Variants in ZNF708 observed in about 807,000 individuals in gnomAD.
ZNF708 encodes ZNF15, ZNF15L1.
A neutral mutation model predicts 47.0 loss-of-function variants in ZNF708; 44 were observed. The ratio of observed to expected loss-of-function variants is 0.94; its 90% CI spans 0.74 to 1.20. The LOEUF is 1.20. Ranked by LOEUF, ZNF708 falls within the 50% of genes most tolerant of loss-of-function variation. The pLI is 0.00. For missense variants in ZNF708, 557 were observed against 656.0 expected (o/e 0.85, Z 1.65); for synonymous variants, 184 against 218.5 (o/e 0.84, Z 1.39).
At chr19:21,324,998 C>A (rs1056855528) in intron 1 of ZNF708, among the ~76,000 whole-genome samples, 1 of 152,152 alleles carries the variant, frequency 6.6e-6, no homozygotes, top group Non-Finnish European at 1.5e-5. Flanking sequence ...CATTCTTAAA[C>A]AGCCTTGAAA....
At chr19:21,313,656 G>T (rs965462361) in intron 1 of ZNF708, among the ~76,000 whole-genome samples, 2 of 151,732 alleles carry the variant, frequency 1.3e-5, no homozygotes, top group African/African-American at 2.4e-5. Flanking sequence ...TACTCAGGAG[G>T]TTGAGGCAGG....
At chr19:21,313,301 A>G (rs1441721751) in intron 1 of ZNF708, among the ~76,000 whole-genome samples, 2 of 151,802 alleles carry the variant, frequency 1.3e-5, no homozygotes, top group Admixed American at 1.3e-4. Flanking sequence ...AAAAAAAAAA[A>G]AAAAGTATGT....
At chr19:21,297,244 G>GTGTGTATATATATATATATATATATA (rs1356825868) in intron 3 of ZNF708, among the ~76,000 whole-genome samples, 5 of 11,972 alleles carry the variant, frequency 4.2e-4, no homozygotes, top group Non-Finnish European at 8.4e-4. Flanking sequence ...TGCAAATAAG[G>GTGTGTATATATATATATATATATATA]TATATATATA....
chr19:21,293,100 C>T lies in ZNF708; in HGVS notation c.*174G>A, dbSNP rs947006852. On this transcript the variant is annotated 3_prime_UTR_variant, in exon 4 of 4. Transcript: ENST00000356929. Reference sequence around the variant, plus strand: ...ATTTAGGGACCAGTTAAATGCTTTGCCACATTCTTTACATTTGTAGGGTTT... The same window carrying T: ...ATTTAGGGACCAGTTAAATGCTTTGTCACATTCTTTACATTTGTAGGGTTT... The T allele has an allele frequency of 4.4e-6, 4 of 917,442 alleles. No individual in the cohort carries two copies. The highest frequency in any genetic ancestry group is 6.7e-6 in the Non-Finnish European group (4 of 597,236). The allele number at this position is 917,442 out of a possible 1,614,324, so 56.8% of individuals were successfully genotyped here.
chr19:21,296,024 T>A (rs1269301991), intron 3 of ZNF708, among the ~76,000 whole-genome samples: 1 of 151,732 alleles, frequency 6.6e-6, no homozygotes, highest in Non-Finnish European at 1.5e-5. Flanking sequence ...ATTAGGAAGA[T>A]AAAAATGTCA....
intron 3 of ZNF708, among the ~76,000 whole-genome samples, chr19:21,301,307 T>A (rs1451016343): frequency 1.3e-5 from 2 of 151,272 alleles, no homozygotes; most frequent in Non-Finnish European, 2.9e-5. Flanking sequence ...TGAATCCCGA[T>A]CTCTACTAAA....
In ZNF708 at chr19:21,294,042, G is replaced by C. The variant is rs780639123; in HGVS notation, c.924C>G (p.Tyr308Ter). Residue 308 changes from tyrosine (Y) to a stop codon, truncating the protein, a stop_gained, in exon 4 of 4, where the codon TAC becomes TAG. Transcript: ENST00000356929. LOFTEE classifies it high-confidence loss of function. Reference sequence around the variant, plus strand: ...AGGCTTTGCCACATTCTCCACATTTGTAGGGTTTCTCTCCAGTATGAATTT... The same window carrying C: ...AGGCTTTGCCACATTCTCCACATTTCTAGGGTTTCTCTCCAGTATGAATTT... ...HKKIHTGEKP[Y>*]KCGECGKAFT... The C allele has an allele frequency of 8.1e-6, 13 of 1,613,132 alleles. No individual in the cohort carries two copies. In the South Asian group the frequency reaches 1.3e-4, roughly 16 times the overall value.
intron 1 of ZNF708, among the ~76,000 whole-genome samples, chr19:21,326,494 G>A (rs1973257846): frequency 6.6e-6 from 1 of 152,168 alleles, no homozygotes; most frequent in African/African-American, 2.4e-5. Context: ...CTGTTATGTG[G>A]GAGCTAAGCT....
At chr19:21,308,370 C>G (rs34328774) in intron 3 of ZNF708, among the ~76,000 whole-genome samples, 1 of 151,730 alleles carries the variant, frequency 6.6e-6, no homozygotes, top group African/African-American at 2.4e-5. Context: ...ACCTCTGCCT[C>G]CCGGGTTCAA....
intron 2 of ZNF708, among the ~76,000 whole-genome samples, chr19:21,310,287 AT>A (rs1194577769): frequency 6.6e-6 from 1 of 151,672 alleles, no homozygotes; most frequent in Non-Finnish European, 1.5e-5. Flanking sequence ...TCTACTAAAA[AT>A]ACAAAAATTA....
intron 3 of ZNF708, among the ~76,000 whole-genome samples, chr19:21,308,706 C>G (rs887908219): frequency 6.6e-6 from 1 of 152,108 alleles, no homozygotes; most frequent in Admixed American, 6.6e-5. Context: ...CCACTGCCCC[C>G]CCAGCCAAAA....
At chr19:21,296,470 C>T (rs958295121) in intron 3 of ZNF708, among the ~76,000 whole-genome samples, 3 of 152,044 alleles carry the variant, frequency 2.0e-5, no homozygotes, top group African/African-American at 4.8e-5. Context: ...CCATTGCACT[C>T]AAGCTTGGGC....
rs1476523852 is a variant in ZNF708 at position 21,291,879 on chromosome 19, A to G, written c.*1395T>C. On this transcript the variant is annotated 3_prime_UTR_variant, in exon 4 of 4. Transcript: ENST00000356929. ...GACTCTGTCTCAAGGAAAACAAACA[A>G]ACAAAAAAAGTATACTTTGAATGTA... is the stretch of plus-strand genomic sequence containing the variant. The G allele has an allele frequency of 6.6e-6, 1 of 152,036 alleles. No homozygotes were observed. The highest frequency in any genetic ancestry group is 2.4e-5 in the African/African-American group (1 of 41,394). 9.4% of individuals were successfully genotyped at this position (152,036 alleles called of 1,614,324 possible). A position where few individuals can be genotyped will look rare whatever the true frequency, so the allele number is the denominator to read the frequency against.
intron 1 of ZNF708, among the ~76,000 whole-genome samples, chr19:21,312,167 C>T (rs187926547): frequency 6.6e-6 from 1 of 151,928 alleles, no homozygotes; most frequent in African/African-American, 2.4e-5. Flanking sequence ...TGGTGGAACG[C>T]GCCTGTAGTC....
intron 3 of ZNF708, among the ~76,000 whole-genome samples, chr19:21,301,372 A>G (rs1338488664): frequency 6.6e-6 from 1 of 151,538 alleles, no homozygotes; most frequent in African/African-American, 2.4e-5. Context: ...CCCAGCACTT[A>G]GGGAGGCCAA....
At chr19:21,316,133 CTTTT>C (rs544312163) in intron 1 of ZNF708, among the ~76,000 whole-genome samples, 2 of 105,484 alleles carry the variant, frequency 1.9e-5, no homozygotes, top group Admixed American at 2.5e-4. Context: ...TTTCTTTTTT[CTTTT>C]TTTTTTTTTT....
intron 3 of ZNF708, among the ~76,000 whole-genome samples, chr19:21,303,142 T>C (rs1972692470): frequency 6.6e-6 from 1 of 151,908 alleles, no homozygotes; most frequent in Non-Finnish European, 1.5e-5. Flanking sequence ...AACACAGCTA[T>C]TTGAGAGGCC....
chr19:21,291,276 T>C lies in ZNF708; in HGVS notation c.*1998A>G, dbSNP rs1011985728. On this transcript the variant is annotated 3_prime_UTR_variant, in exon 4 of 4. Coordinates refer to ENST00000356929, the MANE Select transcript of ZNF708 (RefSeq NM_021269.3). ...TTCTTACTATAATGCAAAAGAATAT[T>C]ACTCTAAACACCTACCTCATGCACC... The C allele has an allele frequency of 6.6e-6, 1 of 152,166 alleles. No homozygotes were observed. The highest frequency in any genetic ancestry group is 2.4e-5 in the African/African-American group (1 of 41,440). 9.4% of individuals were successfully genotyped at this position (152,166 alleles called of 1,614,324 possible).
intron 3 of ZNF708, among the ~76,000 whole-genome samples, chr19:21,297,260 ATATATATATATTTTTT>A (rs1485578567): frequency 6.6e-5 from 1 of 15,230 alleles, no homozygotes; most frequent in African/African-American, 2.1e-4. Context: ...ATATATATAT[ATATATATATATTTTTT>A]TTTTTTTTTT....
Sources: allele counts gnomAD v4.1 joint callset (sites outside exome capture counted in the v4.1 genomes callset), GRCh38; gene constraint gnomAD v4.1.1; transcripts MANE v1.5; gene names NCBI Gene and HGNC (gene_info 2026-07-23, HGNC 2026-07-21).